Variants in TRPC7 observed in about 807,000 individuals in gnomAD.
TRPC7 encodes the protein short transient receptor potential channel 7.
In TRPC7, 42 loss-of-function variants were observed where a neutral mutation model predicts 90.1. That is an observed-to-expected ratio of 0.47 (90% CI 0.36 to 0.60). The LOEUF (loss-of-function observed/expected upper bound fraction) is 0.60, where lower values mean the gene tolerates loss of function less well. Ranked by LOEUF, TRPC7 falls within the 20% of genes least tolerant of loss-of-function variation. The probability of loss-of-function intolerance (pLI) is 0.00; values close to 1 mark genes in which losing one functional copy is unlikely to be tolerated. For synonymous variants in TRPC7, 451 were observed against 436.3 expected, an observed-to-expected ratio of 1.03 and a Z score of -0.42; for missense variants, 955 against 1,112.3, an observed-to-expected ratio of 0.86 and a Z score of 2.01.
intron 10 of TRPC7, among the ~76,000 whole-genome samples, chr5:136,224,731 C>A (rs1294935160): frequency 6.6e-6 from 1 of 152,148 alleles, no homozygotes; most frequent in African/African-American, 2.4e-5. Flanking sequence ...CCCTCCTGGG[C>A]AAAGTTACCC....
At chr5:136,329,074 T>G (rs11744181) in intron 2 of TRPC7, among the ~76,000 whole-genome samples, 104,445 of 152,108 alleles carry the variant, frequency 0.69, 36,169 homozygotes, top group African/African-American at 0.77. Context: ...TCTTGTTTTT[T>G]GTTTACTTAA....
At position 136,226,222 on chromosome 5, in the gene TRPC7, C is replaced by T. The variant is rs1755626006; in HGVS notation, c.2074G>A (p.Ala692Thr). 6.4e-7 allele frequency: 1 copy of T among 1,551,712 alleles called. No individual in the cohort carries two copies. Among genetic ancestry groups the T allele is most frequent in the African/African-American group, 1.4e-5 (1 of 73,044 alleles). ...DADVEWKFAR[A>T]KLWLSYFDEG... is the part of the protein sequence containing the mutation. ...TCAAAGTAAGACAGCCAGAGTTTTG[C>T]TCGGGCGAACTTCCATTCCACATCT... Residue 692 changes from alanine (A) to threonine (T), a missense_variant, in exon 9 of 12, where the codon GCA becomes ACA. By Grantham distance (58) the Ala-to-Thr change is moderately conservative. Transcript: ENST00000513104.
intron 2 of TRPC7, among the ~76,000 whole-genome samples, chr5:136,317,370 G>A (rs1481468424): frequency 6.6e-6 from 1 of 152,222 alleles, no homozygotes; most frequent in Non-Finnish European, 1.5e-5. Context: ...TGAAAAATTA[G>A]TGGTGAACAA....
Position 136,357,221 on chromosome 5 carries a change from A to C in TRPC7, c.167T>G (p.Ile56Ser), listed in dbSNP as rs1016486376. 6.2e-7 allele frequency: 1 copy of C among 1,613,806 alleles called. No homozygotes were observed. The highest frequency in any genetic ancestry group is 1.3e-5 in the African/African-American group (1 of 75,000). The change falls in exon 2 of 12, where the codon ATC becomes AGC. Residue 56 changes from isoleucine to serine, a missense_variant. Coordinates refer to ENST00000513104, the MANE Select transcript of TRPC7 (RefSeq NM_020389.3). ...CTCCAGCATTTTCCGGACCACCGGG[A>C]TGTTGCCATACTCAGCCGAGTCCAG... ...RFLDSAEYGN[I>S]PVVRKMLEES...
At chr5:136,263,044 C>A (rs962437917) in intron 5 of TRPC7, among the ~76,000 whole-genome samples, 2 of 152,186 alleles carry the variant, frequency 1.3e-5, no homozygotes, top group Non-Finnish European at 1.5e-5. Flanking sequence ...AATAGGGGTT[C>A]TTTTGAATGT....
intron 1 of TRPC7, among the ~76,000 whole-genome samples, chr5:136,364,378 A>T (rs1760660524): frequency 6.6e-6 from 1 of 152,218 alleles, no homozygotes; most frequent in Non-Finnish European, 1.5e-5. Context: ...TGTCATTGTT[A>T]AAAAGATCTT....
intron 2 of TRPC7, among the ~76,000 whole-genome samples, chr5:136,355,301 G>A (rs1018371344): frequency 3.3e-5 from 5 of 152,324 alleles, no homozygotes; most frequent in Non-Finnish European, 5.9e-5. Flanking sequence ...TCCTGAAGTG[G>A]CCAAGAGTTG....
intron 2 of TRPC7, among the ~76,000 whole-genome samples, chr5:136,354,184 G>T (rs1249075635): frequency 6.6e-6 from 1 of 152,142 alleles, no homozygotes; most frequent in Non-Finnish European, 1.5e-5. Context: ...AGAAGACTGA[G>T]CAACAAGCAA....
At chr5:136,347,216 A>G (rs1053618114) in intron 2 of TRPC7, among the ~76,000 whole-genome samples, 4 of 152,162 alleles carry the variant, frequency 2.6e-5, no homozygotes, top group African/African-American at 9.7e-5. Flanking sequence ...GTTTTAAGTC[A>G]CCACGTTTGT....
At chr5:136,241,150 C>T (rs80346624) in intron 7 of TRPC7, among the ~76,000 whole-genome samples, 1,856 of 152,252 alleles carry the variant, frequency 0.012, 37 homozygotes, top group African/African-American at 0.042. Context: ...ATGGAAATTT[C>T]CCATAAGTGT....
chr5:136,336,268 C>T (rs920847845), intron 2 of TRPC7, among the ~76,000 whole-genome samples: 1 of 152,094 alleles, frequency 6.6e-6, no homozygotes, highest in Non-Finnish European at 1.5e-5. Context: ...CACTCCGGTC[C>T]CCCACTTGCT....
chr5:136,360,953 T>G (rs573276996), intron 1 of TRPC7, among the ~76,000 whole-genome samples: 46 of 152,330 alleles, frequency 3.0e-4, no homozygotes, highest in African/African-American at 1.0e-3. Context: ...TCCTTGCTAT[T>G]TAATTTTGAT....
rs146917649 is a variant in TRPC7 at position 136,343,427 on chromosome 5, A to G, written c.780+13181T>C. On this transcript the variant is annotated intron_variant, in intron 2 of 11. Coordinates refer to ENST00000513104, the MANE Select transcript of TRPC7 (RefSeq NM_020389.3). ...ATTCTCTGACCTACTTTGCTAGAAA[A>G]TAGGAAATAAGATCCTTAATCCAAA... Among the ~76,000 whole-genome samples, 1,122 of 152,288 alleles carry G rather than the reference A, an allele frequency of 7.4e-3. 7 individuals carry two copies. The highest frequency in any genetic ancestry group is 0.016 in the Admixed American group (250 of 15,302).
chr5:136,358,579 A>G (rs915256776), intron 1 of TRPC7, among the ~76,000 whole-genome samples: 2 of 152,170 alleles, frequency 1.3e-5, no homozygotes, highest in African/African-American at 4.8e-5. Flanking sequence ...AAGTTACCCA[A>G]ACTTACATTA....
Position 136,266,217 on chromosome 5 carries a change from T to C in TRPC7, c.1345+3A>G, listed in dbSNP as rs1757023264. Reference sequence around the variant, plus strand: ...GAGAATAAAAATAGAGTGACTTGCTTACCTAAGACCCACTTCATAATGAGC... The same window carrying C: ...GAGAATAAAAATAGAGTGACTTGCTCACCTAAGACCCACTTCATAATGAGC... On this transcript the variant is annotated splice_donor_region_variant and intron_variant, in intron 5 of 11. Coordinates refer to ENST00000513104, the MANE Select transcript of TRPC7 (RefSeq NM_020389.3). 1 of 1,611,760 alleles carries C rather than the reference T, an allele frequency of 6.2e-7. No homozygotes were observed. The highest frequency in any genetic ancestry group is 2.2e-5 in the East Asian group (1 of 44,878).
intron 2 of TRPC7, among the ~76,000 whole-genome samples, chr5:136,336,383 C>A (rs913978216): frequency 6.6e-6 from 1 of 152,104 alleles, no homozygotes; most frequent in Non-Finnish European, 1.5e-5. Context: ...TATTTAACCA[C>A]TCTCAGTCTA....
At chr5:136,290,011 T>C (rs1308970407) in intron 3 of TRPC7, among the ~76,000 whole-genome samples, 1 of 152,200 alleles carries the variant, frequency 6.6e-6, no homozygotes, top group Non-Finnish European at 1.5e-5. Flanking sequence ...CAGCCACCGC[T>C]GCTGATACCC....
intron 10 of TRPC7, among the ~76,000 whole-genome samples, chr5:136,222,850 A>G (rs567370859): frequency 6.6e-6 from 1 of 152,296 alleles, no homozygotes. Flanking sequence ...CTGAGCCTCA[A>G]TTCCCTCATC....
intron 5 of TRPC7, among the ~76,000 whole-genome samples, chr5:136,263,478 A>G (rs946681038): frequency 6.6e-6 from 1 of 152,226 alleles, no homozygotes; most frequent in East Asian, 1.9e-4. Context: ...TAGAAGCAAG[A>G]TTAGTCAATA....
Sources: gnomAD v4.1 joint callset for allele counts (sites outside exome capture counted in the v4.1 genomes callset) on GRCh38, gnomAD v4.1.1 for gene constraint, MANE v1.5 for transcripts, NCBI Gene and HGNC (gene_info 2026-07-23, HGNC 2026-07-21) for gene names.